The following FSHR variants were observed in gnomAD, a reference collection of about 807,000 sequenced individuals.
FSHR encodes the protein follicle stimulating hormone receptor.
Under a neutral mutation model 52.1 loss-of-function variants are expected in FSHR, and 46 were observed. The observed-to-expected ratio is 0.88, with a 90% CI of 0.70 to 1.13. The LOEUF (loss-of-function observed/expected upper bound fraction) is 1.13. Among genes scored for constraint, FSHR ranks in the 50% most tolerant of loss-of-function variants. FSHR has a pLI of 0.00. For missense variants in FSHR, 964 were observed against 834.6 expected (o/e 1.16, Z -1.91); for synonymous variants, 399 against 309.6 (o/e 1.29, Z -3.03).
At chr2:49,127,132 G>A (rs923594003) in intron 1 of FSHR, among the ~76,000 whole-genome samples, 1 of 151,948 alleles carries the variant, frequency 6.6e-6, no homozygotes, top group African/African-American at 2.4e-5. Flanking sequence ...GTTTGAGACC[G>A]GCCTGGCCAA....
chr2:48,994,841 C>T (rs529780767), intron 4 of FSHR, among the ~76,000 whole-genome samples: 39 of 152,182 alleles, frequency 2.6e-4, no homozygotes, highest in Admixed American at 9.2e-4. Context: ...CAGAGTTTTC[C>T]CTCTCTACAG....
chr2:49,104,015 C>G (rs938437773), intron 1 of FSHR, among the ~76,000 whole-genome samples: 3 of 151,504 alleles, frequency 2.0e-5, no homozygotes, highest in African/African-American at 4.9e-5. Flanking sequence ...AAAGAATTCA[C>G]TATTATCACT....
chr2:49,094,740 C>T (rs192745366), intron 1 of FSHR, among the ~76,000 whole-genome samples: 199 of 151,854 alleles, frequency 1.3e-3, no homozygotes, highest in Admixed American at 3.7e-3. Context: ...CAGTCAGTAA[C>T]TTAAACTTTA....
chr2:48,985,523 G>T (rs933591598), intron 6 of FSHR, among the ~76,000 whole-genome samples: 2 of 151,992 alleles, frequency 1.3e-5, no homozygotes, highest in African/African-American at 4.8e-5. Context: ...GGCACAGTGC[G>T]GGTGCAGAAG....
intron 8 of FSHR, 78 bp downstream of exon 8, chr2:48,982,834 C>T (rs1235295384): frequency 4.8e-6 from 6 of 1,251,454 alleles, no homozygotes; most frequent in Non-Finnish European, 5.9e-6. Context: ...TTGGAAGCTT[C>T]TCCCCTAGCT....
At chr2:48,980,321 T>C (rs946209206) in intron 8 of FSHR, among the ~76,000 whole-genome samples, 1 of 152,232 alleles carries the variant, frequency 6.6e-6, no homozygotes, top group Non-Finnish European at 1.5e-5. Context: ...ATTCCCTTAA[T>C]TCTAGACAGA....
At chr2:49,020,930 G>C (rs1017959114) in intron 2 of FSHR, among the ~76,000 whole-genome samples, 7 of 152,100 alleles carry the variant, frequency 4.6e-5, no homozygotes, top group Admixed American at 4.6e-4. Flanking sequence ...ACACACTGGG[G>C]CCTGTCAGGG....
intron 1 of FSHR, among the ~76,000 whole-genome samples, chr2:49,135,073 C>T (rs1182356572): frequency 1.3e-5 from 2 of 152,000 alleles, no homozygotes; most frequent in South Asian, 4.1e-4. Flanking sequence ...GACAGAATAT[C>T]AAGTATATAA....
intron 4 of FSHR, among the ~76,000 whole-genome samples, chr2:48,994,242 C>A (rs1056726312): frequency 9.9e-5 from 15 of 152,152 alleles, no homozygotes; most frequent in African/African-American, 3.6e-4. Flanking sequence ...TTCCCCATCT[C>A]TCTTAGTGAA....
chr2:49,126,992 G>A (rs567221500), intron 1 of FSHR, among the ~76,000 whole-genome samples: 1 of 152,168 alleles, frequency 6.6e-6, no homozygotes, highest in Non-Finnish European at 1.5e-5. Context: ...GGAAAACTCA[G>A]TGGAAAGAAA....
intron 6 of FSHR, 144 bp downstream of exon 6, chr2:48,988,833 A>G (rs560705666): frequency 1.9e-4 from 131 of 701,924 alleles, no homozygotes; most frequent in Non-Finnish European, 3.1e-4. Context: ...TGTAAAGATG[A>G]GAGAGGAACG....
At chr2:49,049,384 T>C (rs1668773308) in intron 2 of FSHR, among the ~76,000 whole-genome samples, 2 of 152,110 alleles carry the variant, frequency 1.3e-5, no homozygotes, top group Non-Finnish European at 2.9e-5. Context: ...TTGCGTTTGA[T>C]AGCAAGTCAG....
chr2:49,087,075 T>TTTTG (rs1670425627), intron 1 of FSHR, among the ~76,000 whole-genome samples: 1 of 134,772 alleles, frequency 7.4e-6, no homozygotes, highest in African/African-American at 3.2e-5. Flanking sequence ...GCAGGGTTTT[T>TTTTG]TTTTTTTTTT....
At chr2:49,097,944 A>G (rs1670887497) in intron 1 of FSHR, among the ~76,000 whole-genome samples, 1 of 144,630 alleles carries the variant, frequency 6.9e-6, no homozygotes, top group African/African-American at 2.5e-5. Context: ...TCTCTGCCCA[A>G]ATTTTTATTA....
intron 2 of FSHR, among the ~76,000 whole-genome samples, chr2:49,064,318 C>G (rs527969894): frequency 7.3e-6 from 1 of 136,766 alleles, no homozygotes; most frequent in African/African-American, 2.8e-5. Context: ...GAAATGTGGC[C>G]TTTTGAGAGT....
chr2:49,005,938 C>G (rs1223053432), intron 4 of FSHR, among the ~76,000 whole-genome samples: 1 of 152,030 alleles, frequency 6.6e-6, no homozygotes, highest in African/African-American at 2.4e-5. Flanking sequence ...TGAGTGGGTA[C>G]CATCTAATCA....
At chr2:49,114,338 C>G (rs1316803897) in intron 1 of FSHR, among the ~76,000 whole-genome samples, 1 of 152,170 alleles carries the variant, frequency 6.6e-6, no homozygotes, top group Non-Finnish European at 1.5e-5. Flanking sequence ...CACATTCATT[C>G]TAGACCAAAG....
intron 4 of FSHR, among the ~76,000 whole-genome samples, chr2:48,992,544 C>T (rs1345577543): frequency 6.6e-6 from 1 of 152,150 alleles, no homozygotes; most frequent in African/African-American, 2.4e-5. Flanking sequence ...GTGCCTCTTT[C>T]AGCGATACGA....
chr2:49,077,002 G>A (rs536911785), intron 1 of FSHR, among the ~76,000 whole-genome samples: 211 of 152,266 alleles, frequency 1.4e-3, no homozygotes, highest in African/African-American at 5.0e-3. Flanking sequence ...GCCACATGGT[G>A]CAAACTGTCG....
Sources: allele counts gnomAD v4.1 joint callset (sites outside exome capture counted in the v4.1 genomes callset), GRCh38; gene constraint gnomAD v4.1.1; transcripts MANE v1.5; gene names NCBI Gene and HGNC (gene_info 2026-07-23, HGNC 2026-07-21).